IL16: variants seen among roughly 807,000 people sequenced by gnomAD.
The protein encoded by IL16 is pro-interleukin-16.
In IL16, 67 loss-of-function variants were observed where a neutral mutation model predicts 110.1. The ratio of observed to expected loss-of-function variants is 0.61; its 90% CI spans 0.50 to 0.75. IL16 has a LOEUF of 0.75. IL16 is among the 30% of genes least tolerant of loss of function. The probability of loss-of-function intolerance (pLI) is 0.00; values close to 1 mark genes in which losing one functional copy is unlikely to be tolerated. For synonymous variants in IL16, 689 were observed against 662.9 expected (o/e 1.04, Z -0.61); for missense variants, 1,545 against 1,655.0 (o/e 0.93, Z 1.15).
chr15:81,183,068 T>TGTGTGTGCACACGTGTAA (rs1895369181), intron 1 of IL16, among the ~76,000 whole-genome samples: 2 of 152,156 alleles, frequency 1.3e-5, no homozygotes, highest in African/African-American at 4.8e-5. Flanking sequence ...CACGTGTAAG[T>TGTGTGTGCACACGTGTAA]GTGTGCACAC....
At chr15:81,185,914 A>AC (rs1895412589) in intron 1 of IL16, among the ~76,000 whole-genome samples, 1 of 152,206 alleles carries the variant, frequency 6.6e-6, no homozygotes, top group African/African-American at 2.4e-5. Flanking sequence ...TACCAGCTTA[A>AC]CCTAGCCACT....
Position 81,282,619 on chromosome 15 carries a change from C to T in IL16, c.1082-20C>T. The T allele has an allele frequency of 1.9e-6, 3 of 1,596,628 alleles. No homozygotes were observed. The highest frequency in any genetic ancestry group is 2.6e-6 in the Non-Finnish European group (3 of 1,168,462). ...AAAGCTCAGTCCCGGTCTCCCCACC[C>T]CGCCCTGTTCTGCTTCCAGAGGCCG... On this transcript the variant is annotated intron_variant, in intron 8 of 18. Transcript: ENST00000683961.
intron 5 of IL16, among the ~76,000 whole-genome samples, chr15:81,272,801 C>A (rs1157818030): frequency 2.0e-5 from 3 of 152,204 alleles, no homozygotes; most frequent in Non-Finnish European, 2.9e-5. Flanking sequence ...AGCCAGGGTG[C>A]TGGTCTCCAT....
At chr15:81,243,143 G>GTATATATATATATATATATA (rs1275444035) in intron 2 of IL16, among the ~76,000 whole-genome samples, 42 of 47,226 alleles carry the variant, frequency 8.9e-4, no homozygotes, top group African/African-American at 1.2e-3. Context: ...AGCTATATAA[G>GTATATATATATATATATATA]TATATATATA....
intron 1 of IL16, among the ~76,000 whole-genome samples, chr15:81,189,869 G>T (rs907188736): frequency 2.6e-5 from 4 of 152,214 alleles, no homozygotes; most frequent in Non-Finnish European, 4.4e-5. Context: ...ATTAAGAGAA[G>T]AAAGTAGGGA....
chr15:81,227,654 G>A (rs1896832679), intron 2 of IL16, among the ~76,000 whole-genome samples: 1 of 152,138 alleles, frequency 6.6e-6, no homozygotes, highest in African/African-American at 2.4e-5. Context: ...GGAAGCCATG[G>A]GAGGATTTTG....
At chr15:81,289,632 T>TGCCC (rs1899613937) in intron 10 of IL16, among the ~76,000 whole-genome samples, 1 of 152,114 alleles carries the variant, frequency 6.6e-6, no homozygotes, top group East Asian at 1.9e-4. Context: ...GGTTGTTTTG[T>TGCCC]TGTTGTTGTT....
chr15:81,292,365 C>A, intron 11 of IL16, 191 bp from the exon 12 acceptor site: 1 of 770,490 alleles, frequency 1.3e-6, no homozygotes, highest in Non-Finnish European at 2.2e-6. Context: ...GAATGATTTT[C>A]CCAACCCAAA....
At chr15:81,235,372 T>C (rs1015034004) in intron 2 of IL16, among the ~76,000 whole-genome samples, 8 of 152,136 alleles carry the variant, frequency 5.3e-5, no homozygotes, top group African/African-American at 1.9e-4. Context: ...GGAACAGTTG[T>C]GTCACATGGC....
intron 2 of IL16, among the ~76,000 whole-genome samples, chr15:81,227,066 G>A (rs1167909924): frequency 6.6e-6 from 1 of 152,048 alleles, no homozygotes; most frequent in Non-Finnish European, 1.5e-5. Context: ...AAGATAGAGT[G>A]AAAAATACAC....
upstream of IL16, chr15:81,196,774 G>C (rs1344780330): frequency 2.0e-6 from 2 of 997,820 alleles, no homozygotes; most frequent in East Asian, 2.0e-4. Flanking sequence ...CTGAGGCTGA[G>C]CTTCTCAGCA....
intron 1 of IL16, among the ~76,000 whole-genome samples, chr15:81,224,796 T>A (rs1896732850): frequency 6.6e-6 from 1 of 152,162 alleles, no homozygotes; most frequent in Admixed American, 6.5e-5. Context: ...TCTTTGGAGA[T>A]GCCATGGGAG....
chr15:81,305,506 A>T (rs937689950), intron 16 of IL16, among the ~76,000 whole-genome samples: 27 of 151,350 alleles, frequency 1.8e-4, no homozygotes, highest in Non-Finnish European at 3.7e-4. Flanking sequence ...TCTATTTTTT[A>T]AAAAATAATA....
intron 5 of IL16, among the ~76,000 whole-genome samples, chr15:81,271,966 T>C (rs990968289): frequency 3.3e-5 from 5 of 152,342 alleles, no homozygotes; most frequent in Non-Finnish European, 7.3e-5. Flanking sequence ...GCAATGGTTC[T>C]GTTACAGCAG....
At chr15:81,265,893 G>A (rs1416009254) in intron 4 of IL16, 92 bp downstream of exon 4, 5 of 1,274,400 alleles carry the variant, frequency 3.9e-6, no homozygotes, top group Non-Finnish European at 5.4e-6. Flanking sequence ...GGCCTTCCCA[G>A]TAGTTTTTTT....
At chr15:81,184,468 C>T (rs1282033552) in intron 1 of IL16, among the ~76,000 whole-genome samples, 2 of 152,172 alleles carry the variant, frequency 1.3e-5, no homozygotes, top group African/African-American at 4.8e-5. Context: ...TGTATCCCTG[C>T]AGTGACCAGT....
intron 2 of IL16, among the ~76,000 whole-genome samples, chr15:81,257,911 C>T (rs74030054): frequency 0.055 from 8,327 of 152,148 alleles, 828 homozygotes; most frequent in African/African-American, 0.19. Context: ...TATACTCAGC[C>T]AATCATTCAC....
At chr15:81,287,714 C>T (rs892865470) in intron 10 of IL16, among the ~76,000 whole-genome samples, 1 of 152,174 alleles carries the variant, frequency 6.6e-6, no homozygotes, top group Non-Finnish European at 1.5e-5. Context: ...CTCACTGACT[C>T]CCAAACTCCC....
Position 81,301,532 on chromosome 15 carries a change from A to G in IL16, c.3318+20A>G. On this transcript the variant is annotated intron_variant, in intron 15 of 18. Coordinates refer to ENST00000683961, the MANE Select transcript of IL16 (RefSeq NM_172217.5). Reference sequence around the variant, plus strand: ...TTAAAGGTAGGTTTCCTTTGTAAGCATCTGCAGTAACCAATGGCTTATTAT... The same window carrying G: ...TTAAAGGTAGGTTTCCTTTGTAAGCGTCTGCAGTAACCAATGGCTTATTAT... 1 of 1,607,132 alleles carries G rather than the reference A, an allele frequency of 6.2e-7. No individual in the cohort carries two copies. Among genetic ancestry groups the G allele is most frequent in the Non-Finnish European group, 8.5e-7 (1 of 1,176,578 alleles).
Sources: allele counts gnomAD v4.1 joint callset (sites outside exome capture counted in the v4.1 genomes callset), GRCh38; gene constraint gnomAD v4.1.1; transcripts MANE v1.5; gene names NCBI Gene and HGNC (gene_info 2026-07-23, HGNC 2026-07-21).